Variants in LNX1 observed in about 807,000 individuals in gnomAD.
LNX1 encodes the protein ligand of numb-protein X 1.
LNX1 carries 54 observed loss-of-function variants against 68.4 expected under a neutral mutation model. The observed-to-expected ratio is 0.79, with a 90% CI of 0.63 to 0.99. The LOEUF (loss-of-function observed/expected upper bound fraction) is 0.99. Ranked by LOEUF, LNX1 falls within the 50% of genes least tolerant of loss-of-function variation. LNX1 has a pLI of 0.00. For missense variants in LNX1, 906 were observed against 926.4 expected (o/e 0.98, Z 0.29); for synonymous variants, 336 against 350.0 (o/e 0.96, Z 0.45).
At chr4:53,501,298 T>G (rs200191377) in intron 4 of LNX1, among the ~76,000 whole-genome samples, 478 of 9,384 alleles carry the variant, frequency 0.051, 8 homozygotes, top group African/African-American at 0.081. Flanking sequence ...TTTTTTTTTT[T>G]TGGGGGTGGG....
intron 2 of LNX1, among the ~76,000 whole-genome samples, chr4:53,565,558 C>G (rs1485147492): frequency 6.6e-6 from 1 of 151,922 alleles, no homozygotes; most frequent in African/African-American, 2.4e-5. Flanking sequence ...AAAAACAGAA[C>G]AGAAAAACTG....
chr4:53,558,303 C>T (rs1177734767), intron 2 of LNX1: 5 of 1,097,374 alleles, frequency 4.6e-6, no homozygotes, highest in African/African-American at 3.3e-5. Context: ...GGTACATTTA[C>T]ATCACCGGCT....
intron 6 of LNX1, among the ~76,000 whole-genome samples, chr4:53,492,340 C>T (rs1724737365): frequency 6.6e-6 from 1 of 151,974 alleles, no homozygotes; most frequent in Non-Finnish European, 1.5e-5. Context: ...TGAAGAGCAC[C>T]AAGAAGGCAA....
chr4:53,598,637 G>C (rs1008548478), intron 2 of LNX1, among the ~76,000 whole-genome samples: 1 of 152,170 alleles, frequency 6.6e-6, no homozygotes, highest in Non-Finnish European at 1.5e-5. Flanking sequence ...AGAAACATAG[G>C]AGGCCTTTGA....
chr4:53,639,928 G>A (rs1373416916), intron 1 of LNX1, among the ~76,000 whole-genome samples: 3 of 152,152 alleles, frequency 2.0e-5, no homozygotes, highest in Non-Finnish European at 4.4e-5. Flanking sequence ...AGCTACTTGG[G>A]AGGCTGAGGC....
chr4:53,481,427 C>T (rs562993817), intron 7 of LNX1, among the ~76,000 whole-genome samples: 3 of 152,320 alleles, frequency 2.0e-5, no homozygotes, highest in African/African-American at 4.8e-5. Flanking sequence ...AACAAGATGA[C>T]TCTTGGTAAA....
At chr4:53,605,496 G>A (rs1733192276) in intron 2 of LNX1, among the ~76,000 whole-genome samples, 1 of 152,046 alleles carries the variant, frequency 6.6e-6, no homozygotes, top group Admixed American at 6.6e-5. Context: ...TACAATATTT[G>A]TAACTATAAT....
rs1733200878 is a variant in LNX1, at chr4:53,605,694, G to A, written c.-215+10823C>T. 4.6e-5 allele frequency among the ~76,000 whole-genome samples: 7 copies of A among 152,124 alleles called. No individual in the cohort carries two copies. In the South Asian group the frequency reaches 1.5e-3, roughly 32 times the overall value. The stretch of plus-strand genomic sequence containing the variant: ...AAATCACGCAGTATTTTTCTTGTCT[G>A]ACTTATTTTACCTAGCATAATGTCC... On this transcript the variant is annotated intron_variant, in intron 2 of 3. Transcript: ENST00000504299.
At chr4:53,602,115 A>C (rs565425079) in intron 2 of LNX1, among the ~76,000 whole-genome samples, 37 of 152,332 alleles carry the variant, frequency 2.4e-4, no homozygotes, top group Admixed American at 1.2e-3. Flanking sequence ...AGTGAGAAAT[A>C]GAAACTAGGA....
Position 53,476,910 on chromosome 4 carries a change from T to A in LNX1, c.1735A>T (p.Lys579Ter). 6.2e-7 allele frequency: 1 copy of A among 1,614,198 alleles called. No homozygotes were observed. The highest frequency in any genetic ancestry group is 2.2e-5 in the East Asian group (1 of 44,888). ...AGTACTATCGAGGATGATGTTCTTT[T>A]CAATAATGCCACTGCCTCACTCCGG... ...VSRSEAVALLKRTSSSIVLKA... is the reference protein window; with the variant it reads ...VSRSEAVALL Residue 579 changes from lysine to a stop codon, truncating the protein, a stop_gained, in exon 9 of 11, where the codon AAA (lysine) becomes TAA (stop). Coordinates refer to ENST00000263925, the MANE Select transcript of LNX1 (RefSeq NM_001126328.3). LOFTEE classifies it high-confidence loss of function.
At chr4:53,542,176 G>T (rs1728807203) in intron 2 of LNX1, among the ~76,000 whole-genome samples, 1 of 152,198 alleles carries the variant, frequency 6.6e-6, no homozygotes, top group African/African-American at 2.4e-5. Context: ...ATATGCAATT[G>T]TCAGCTTGAA....
intron 2 of LNX1, among the ~76,000 whole-genome samples, chr4:53,559,275 A>G (rs941591717): frequency 3.3e-5 from 5 of 152,244 alleles, no homozygotes; most frequent in Non-Finnish European, 5.9e-5. Context: ...TACAGTTTAA[A>G]GTGCAGATGA....
intron 2 of LNX1, among the ~76,000 whole-genome samples, chr4:53,564,931 C>CT (rs1398973497): frequency 6.6e-6 from 1 of 152,194 alleles, no homozygotes; most frequent in East Asian, 1.9e-4. Context: ...GAATACTGCG[C>CT]TTTTCCGACG....
intron 2 of LNX1, among the ~76,000 whole-genome samples, chr4:53,522,374 A>C: frequency 6.6e-6 from 1 of 152,224 alleles, no homozygotes; most frequent in East Asian, 1.9e-4. Flanking sequence ...TGATTACTAA[A>C]GTCTACTAAA....
chr4:53,554,662 GC>G (rs1428404690), intron 2 of LNX1, among the ~76,000 whole-genome samples: 13 of 152,250 alleles, frequency 8.5e-5, no homozygotes, highest in African/African-American at 2.9e-4. Context: ...GACCAGCCTG[GC>G]CAATATGGTG....
Position 53,496,346 on chromosome 4 carries a change from G to A in LNX1, c.1027C>T (p.Leu343Phe). Residue 343 changes from leucine to phenylalanine, a missense_variant, in exon 6 of 11, where the codon CTC (leucine) becomes TTC (phenylalanine). Physicochemically the swap from Leu to Phe is conservative, Grantham distance 22. Transcript: ENST00000263925. ...SNVPHNYAVR[L>F]LRQPCQVLWL... ...AGCACCTGGCAGGGCTGCCGCAGGA[G>A]ACGCACAGCGTAGTTGTGAGGGACA... 1 of 1,614,152 alleles carries A rather than the reference G, an allele frequency of 6.2e-7. No homozygotes were observed. The highest frequency in any genetic ancestry group is 1.1e-5 in the South Asian group (1 of 91,074).
At chr4:53,616,428 A>G (rs145907043) in intron 2 of LNX1, 1 of 152,296 alleles carries the variant, frequency 6.6e-6, no homozygotes, top group Non-Finnish European at 1.5e-5. Context: ...TGACCAGATT[A>G]TCTCATGTGA....
chr4:53,522,074 G>A (rs929436258), intron 2 of LNX1, among the ~76,000 whole-genome samples: 5 of 152,168 alleles, frequency 3.3e-5, no homozygotes, highest in Admixed American at 1.3e-4. Flanking sequence ...GACTACCAGC[G>A]AGAGCCACCA....
chr4:53,523,113 C>T (rs1727354699), intron 2 of LNX1: 1 of 152,168 alleles, frequency 6.6e-6, no homozygotes, highest in Non-Finnish European at 1.5e-5. Context: ...TACAGACAAA[C>T]AACTGCATAG....
Sources: allele counts gnomAD v4.1 joint callset (sites outside exome capture counted in the v4.1 genomes callset), GRCh38; gene constraint gnomAD v4.1.1; transcripts MANE v1.5; gene names NCBI Gene and HGNC (gene_info 2026-07-23, HGNC 2026-07-21).